The following HERC1 variants were observed in gnomAD, a reference collection of about 807,000 sequenced individuals.
The protein encoded by HERC1 is HECT and RLD domain containing E3 ubiquitin protein ligase family member 1.
A neutral mutation model predicts 554.3 loss-of-function variants in HERC1; 160 were observed. The ratio of observed to expected loss-of-function variants is 0.29; its 90% CI spans 0.25 to 0.33. The LOEUF is 0.33. HERC1 is among the 10% of genes least tolerant of loss of function. The probability of loss-of-function intolerance (pLI) is 1.00; values close to 1 mark genes in which losing one functional copy is unlikely to be tolerated. For missense variants in HERC1, 4,919 were observed against 5,918.5 expected (o/e 0.83, Z 5.54); for synonymous variants, 2,175 against 2,131.7 (o/e 1.02, Z -0.56).
chr15:63,643,543 T>C lies in HERC1; in HGVS notation c.11192A>G (p.Tyr3731Cys), dbSNP rs1225444438. ...ACACTTGGCTCCTGATGATTTCCTATATCCATCCTGAAATTCATTATTTTT... is the reference window on the plus strand; with the variant it reads ...ACACTTGGCTCCTGATGATTTCCTACATCCATCCTGAAATTCATTATTTTT... ...WEQESNCQDG[Y>C]RKSSGAKCVY... Residue 3731 changes from tyrosine (Y) to cysteine (C), a missense_variant, in exon 58 of 78, where the codon TAT (tyrosine) becomes TGT (cysteine). By Grantham distance (194) the Tyr-to-Cys change is radical. Coordinates refer to ENST00000443617, the MANE Select transcript of HERC1 (RefSeq NM_003922.4). The C allele has an allele frequency of 2.5e-6, 4 of 1,585,888 alleles. No individual in the cohort carries two copies. Among genetic ancestry groups the C allele is most frequent in the Admixed American group, 3.6e-5 (2 of 56,242 alleles).
chr15:63,715,331 G>C (rs1002964789), intron 22 of HERC1, among the ~76,000 whole-genome samples: 2 of 152,104 alleles, frequency 1.3e-5, no homozygotes, highest in Non-Finnish European at 2.9e-5. Flanking sequence ...TGTAATTGAG[G>C]GTTATACTTT....
rs756198665 is a variant in HERC1 at position 63,628,756 on chromosome 15, C to T, written c.13026G>A (p.Gly4342=). The change falls in exon 70 of 78, where the codon GGG becomes GGA. Residue 4342 remains glycine (G), a synonymous_variant. Coordinates refer to ENST00000443617, the MANE Select transcript of HERC1 (RefSeq NM_003922.4). ...REPTLVTGLQ[G]KNVRQISAGR... ...CAGCCGAGATCTGCCGAACATTTTT[C>T]CCTTGCAGACCTGTTACCAGGGTTG... The T allele has an allele frequency of 1.9e-6, 3 of 1,613,972 alleles. No individual in the cohort carries two copies. In the South Asian group the frequency reaches 3.3e-5, roughly 18 times the overall value.
chr15:63,830,028 G>A (rs1596345249), intron 1 of HERC1, among the ~76,000 whole-genome samples: 1 of 152,124 alleles, frequency 6.6e-6, no homozygotes, highest in African/African-American at 2.4e-5. Flanking sequence ...AGGAATGAGG[G>A]AAATACAAAA....
At chr15:63,741,319 G>A (rs1266377171) in intron 12 of HERC1, among the ~76,000 whole-genome samples, 4 of 148,398 alleles carry the variant, frequency 2.7e-5, no homozygotes, top group Admixed American at 1.3e-4. Flanking sequence ...GAGCCACCGC[G>A]CCGGGCCCAT....
intron 76 of HERC1, among the ~76,000 whole-genome samples, chr15:63,613,315 G>A (rs2067681613): frequency 6.6e-6 from 1 of 152,200 alleles, no homozygotes; most frequent in Admixed American, 6.5e-5. Flanking sequence ...TCATAGTGCT[G>A]GGCACAGGCA....
chr15:63,825,375 T>C (rs534925896), intron 1 of HERC1, among the ~76,000 whole-genome samples: 1 of 152,324 alleles, frequency 6.6e-6, no homozygotes, highest in East Asian at 1.9e-4. Flanking sequence ...TAAAAGTAGA[T>C]TTTAAATGTT....
At chr15:63,686,658 G>T in intron 33 of HERC1, 123 bp from the exon 34 acceptor site, 1 of 755,590 alleles carries the variant, frequency 1.3e-6, no homozygotes, top group Non-Finnish European at 2.1e-6. Flanking sequence ...ATCAGTTACT[G>T]TGCAGGGCAA....
rs1225527966 is a variant in HERC1 at position 63,727,643 on chromosome 15, T to C, written c.3346+4A>G. 18 of 1,603,732 alleles carry C rather than the reference T, an allele frequency of 1.1e-5. No individual in the cohort carries two copies. The highest frequency in any genetic ancestry group is 1.5e-5 in the Non-Finnish European group (18 of 1,174,218). On this transcript the variant is annotated splice_donor_region_variant and intron_variant, in intron 17 of 77. Coordinates refer to ENST00000443617, the MANE Select transcript of HERC1 (RefSeq NM_003922.4). This position sits in a 1 kb window ranked among gnomAD's most constrained non-coding sequence, Gnocchi z 4.3. ...TTATTTGCTCTTTTATTGTCTTTAC[T>C]TACCATGAAGAGGCCACTGTAACTC...
intron 27 of HERC1, 128 bp downstream of exon 27, chr15:63,695,996 G>T: frequency 3.0e-6 from 2 of 658,486 alleles, no homozygotes; most frequent in Non-Finnish European, 5.3e-6. Flanking sequence ...GAACCAAGGA[G>T]CTATCTTAAA....
At chr15:63,645,427 T>C in intron 56 of HERC1, 56 bp downstream of exon 56, 1 of 1,306,936 alleles carries the variant, frequency 7.7e-7, no homozygotes, top group Non-Finnish European at 1.1e-6. Flanking sequence ...TTAATGCAGA[T>C]AACAGTCTAT....
chr15:63,814,480 G>C (rs2077428920), intron 1 of HERC1, among the ~76,000 whole-genome samples: 1 of 152,094 alleles, frequency 6.6e-6, no homozygotes, highest in African/African-American at 2.4e-5. Context: ...GTTTTTTTGA[G>C]ATACAGTCTG....
chr15:63,617,277 T>C (rs1035406962), intron 74 of HERC1, among the ~76,000 whole-genome samples: 3 of 152,228 alleles, frequency 2.0e-5, no homozygotes, highest in Admixed American at 6.5e-5. Flanking sequence ...TTTTTGTCCT[T>C]GCAATAGTTT....
intron 1 of HERC1, among the ~76,000 whole-genome samples, chr15:63,800,703 T>C (rs1459911274): frequency 6.6e-6 from 1 of 152,220 alleles, no homozygotes; most frequent in Non-Finnish European, 1.5e-5. Flanking sequence ...ATTTGTTTAA[T>C]GTCCATTTGT....
intron 1 of HERC1, among the ~76,000 whole-genome samples, chr15:63,822,461 C>T (rs2077734823): frequency 6.6e-6 from 1 of 151,932 alleles, no homozygotes; most frequent in African/African-American, 2.4e-5. Flanking sequence ...TGGCGTGTGC[C>T]TGTAATCCCA....
intron 36 of HERC1, among the ~76,000 whole-genome samples, chr15:63,679,680 C>A (rs1299677495): frequency 2.0e-5 from 3 of 152,298 alleles, no homozygotes; most frequent in African/African-American, 4.8e-5. Context: ...CCTGAAAATT[C>A]CCCCAGCTGA....
chr15:63,651,223 G>C, intron 53 of HERC1, 30 bp downstream of exon 53: 1 of 1,605,966 alleles, frequency 6.2e-7, no homozygotes, highest in Non-Finnish European at 8.5e-7. Context: ...ACTACTTTCA[G>C]CAGTTTACTA....
chr15:63,725,157 T>C (rs1194105653), intron 18 of HERC1, 135 bp downstream of exon 18: 3 of 731,254 alleles, frequency 4.1e-6, no homozygotes, highest in South Asian at 3.7e-5. Context: ...CTCCAAGTCA[T>C]AGCCCCAGAT....
At chr15:63,660,036 C>T (rs1369489332) in intron 46 of HERC1, 100 bp from the exon 47 acceptor site, 2 of 960,240 alleles carry the variant, frequency 2.1e-6, no homozygotes, top group African/African-American at 1.6e-5. Flanking sequence ...TGCAGATGAG[C>T]AGCCAGATGC....
At position 63,781,222 on chromosome 15, in the gene HERC1, T is replaced by C. The variant is rs1304491744; in HGVS notation, c.-26-5573A>G. 2.6e-5 allele frequency among the ~76,000 whole-genome samples: 4 copies of C among 152,140 alleles called. No homozygotes were observed. In the East Asian group the frequency reaches 7.7e-4, roughly 29 times the overall value. On this transcript the variant is annotated intron_variant, in intron 1 of 77. Coordinates refer to ENST00000443617, the MANE Select transcript of HERC1 (RefSeq NM_003922.4). ...AATATAGGAAGAATGGCAACCACAGTAATAGAGACTTAAATACAGCCATAC... is the reference window on the plus strand; with the variant it reads ...AATATAGGAAGAATGGCAACCACAGCAATAGAGACTTAAATACAGCCATAC...
Sources: gnomAD v4.1 joint callset for allele counts (sites outside exome capture counted in the v4.1 genomes callset) on GRCh38, gnomAD v4.1.1 for gene constraint, Gnocchi (gnomAD v3.1) non-coding constraint, MANE v1.5 for transcripts, NCBI Gene and HGNC (gene_info 2026-07-23, HGNC 2026-07-21) for gene names.